The following TDRD12 variants were observed in gnomAD, a reference collection of about 807,000 sequenced individuals.
TDRD12 encodes the protein putative ATP-dependent RNA helicase TDRD12.
In TDRD12, 158 loss-of-function variants were observed where a neutral mutation model predicts 133.5. The ratio of observed to expected loss-of-function variants is 1.18; its 90% CI spans 1.04 to 1.35. The LOEUF is 1.35. Ranked by LOEUF, TDRD12 falls within the 40% of genes most tolerant of loss-of-function variation. TDRD12 has a pLI of 0.00. For missense variants in TDRD12, 1,443 were observed against 1,321.3 expected (o/e 1.09, Z -1.43); for synonymous variants, 460 against 477.9 (o/e 0.96, Z 0.49).
Position 32,790,592 on chromosome 19 carries a change from G to C in TDRD12, c.1182+1G>C, listed in dbSNP as rs761530144. On this transcript the variant is annotated splice_donor_variant, in intron 12 of 27. Transcript: ENST00000444215. LOFTEE classifies it high-confidence loss of function. Reference sequence around the variant, plus strand: ...TGACGGAATCTCTGATCTCCAGCAGGTATTACAGGCCCTAAAAAAAGTAAA... The same window carrying C: ...TGACGGAATCTCTGATCTCCAGCAGCTATTACAGGCCCTAAAAAAAGTAAA... 12 of 1,551,682 alleles carry C rather than the reference G, an allele frequency of 7.7e-6. No homozygotes were observed. Among genetic ancestry groups the C allele is most frequent in the Non-Finnish European group, 6.1e-6 (7 of 1,147,058 alleles).
At position 32,720,097 on chromosome 19, in the gene TDRD12, G is replaced by A. The variant is rs1323530487; in HGVS notation, c.24+1G>A. ...GATGCTCCAGCTCCTGGTGCTGAAG[G>A]TGAGCGCCGCCAAGCCAGACCCACG... On this transcript the variant is annotated splice_donor_variant, in intron 1 of 27. Transcript: ENST00000444215. LOFTEE classifies it high-confidence loss of function. 6.5e-7 allele frequency: 1 copy of A among 1,547,886 alleles called. No individual in the cohort carries two copies. Among genetic ancestry groups the A allele is most frequent in the Non-Finnish European group, 8.7e-7 (1 of 1,146,192 alleles).
At chr19:32,731,769 T>C (rs770958907) in exon 2 of TDRD12, 11 of 1,550,628 alleles carry the variant, frequency 7.1e-6, no homozygotes. Flanking sequence ...AAGGGTGTAG[T>C]CCCTTTTTAG....
intron 8 of TDRD12, among the ~76,000 whole-genome samples, chr19:32,765,125 G>T: frequency 6.6e-6 from 1 of 151,222 alleles, no homozygotes; most frequent in East Asian, 1.9e-4. Flanking sequence ...GCAGCCAAAA[G>T]ACACATGAAA....
exon 21 of TDRD12, chr19:32,803,108 C>T: frequency 6.5e-7 from 1 of 1,533,828 alleles, no homozygotes. Flanking sequence ...CGGAAGGCCT[C>T]TTTGTCCATA....
intron 9 of TDRD12, among the ~76,000 whole-genome samples, chr19:32,773,138 G>A (rs1012744905): frequency 6.6e-6 from 1 of 152,222 alleles, no homozygotes; most frequent in Admixed American, 6.5e-5. Flanking sequence ...GGATTCCAGG[G>A]CATTGTCCTA....
At chr19:32,750,585 C>T (rs1374291759) in intron 6 of TDRD12, among the ~76,000 whole-genome samples, 1 of 152,146 alleles carries the variant, frequency 6.6e-6, no homozygotes, top group Non-Finnish European at 1.5e-5. Context: ...TGATAAAATA[C>T]CACTGAAAAC....
intron 1 of TDRD12, among the ~76,000 whole-genome samples, chr19:32,723,376 A>G (rs1038306785): frequency 6.6e-6 from 1 of 151,404 alleles, no homozygotes; most frequent in African/African-American, 2.4e-5. Flanking sequence ...TCAGCCTCCC[A>G]AGTAGCTGGG....
intron 2 of TDRD12, among the ~76,000 whole-genome samples, chr19:32,738,286 T>A (rs1189401245): frequency 6.6e-6 from 1 of 152,186 alleles, no homozygotes; most frequent in Non-Finnish European, 1.5e-5. Flanking sequence ...TTTTACTTTC[T>A]AAAAATTGTC....
intron 10 of TDRD12, among the ~76,000 whole-genome samples, chr19:32,775,629 G>A (rs1429663845): frequency 1.3e-5 from 2 of 151,956 alleles, no homozygotes; most frequent in Non-Finnish European, 1.5e-5. Flanking sequence ...CACTGTGCCC[G>A]GCCTATATTT....
At chr19:32,822,975 C>T (rs965664913), downstream of TDRD12, among the ~76,000 whole-genome samples, 3 of 152,276 alleles carry the variant, frequency 2.0e-5, no homozygotes, top group South Asian at 6.2e-4. Flanking sequence ...TAAACTCATC[C>T]CATGACTAGA....
chr19:32,821,384 G>A (rs1395768355), downstream of TDRD12: 7 of 391,148 alleles, frequency 1.8e-5, no homozygotes, highest in African/African-American at 6.3e-5. Context: ...GTGTGTGTGT[G>A]TGTGTGTGTG....
At chr19:32,794,538 A>C (rs1490683028) in intron 13 of TDRD12, 90 bp from the exon 14 acceptor site, 1 of 638,690 alleles carries the variant, frequency 1.6e-6, no homozygotes, top group Non-Finnish European at 2.8e-6. Flanking sequence ...GGCAATGTGT[A>C]GTGCTTTTTG....
At chr19:32,811,220 T>C (rs746213597) in exon 24 of TDRD12, 11 of 1,535,862 alleles carry the variant, frequency 7.2e-6, no homozygotes, top group African/African-American at 1.4e-5. Context: ...GGTTCAGGTG[T>C]TGGAAGTGAA....
intron 13 of TDRD12, among the ~76,000 whole-genome samples, chr19:32,792,770 C>A (rs1391640244): frequency 6.6e-6 from 1 of 152,188 alleles, no homozygotes; most frequent in South Asian, 2.1e-4. Context: ...TCTGAAGCAT[C>A]TAAGTTGAGG....
chr19:32,730,744 G>A (rs1207410983), intron 1 of TDRD12, among the ~76,000 whole-genome samples: 4 of 152,016 alleles, frequency 2.6e-5, no homozygotes, highest in African/African-American at 4.8e-5. Flanking sequence ...GGCTGGGCGC[G>A]GTGGCTCACG....
chr19:32,800,178 A>G (rs769519174), exon 17 of TDRD12: 39 of 1,496,722 alleles, frequency 2.6e-5, no homozygotes, highest in Non-Finnish European at 3.2e-5. Flanking sequence ...TGTTTGCTAT[A>G]TTAGATAACT....
At chr19:32,761,332 G>A (rs1317675426) in intron 8 of TDRD12, among the ~76,000 whole-genome samples, 7 of 151,726 alleles carry the variant, frequency 4.6e-5, no homozygotes, top group Non-Finnish European at 8.8e-5. Context: ...GGGTTTCACC[G>A]TGTTAGCCAG....
exon 1 of TDRD12, chr19:32,719,908 A>T: frequency 1.3e-6 from 1 of 792,994 alleles, no homozygotes; most frequent in East Asian, 2.7e-5. Flanking sequence ...GCTCCTGGGG[A>T]CGAGGAGTGT....
chr19:32,791,798 GGCCT>G (rs1279729855), intron 13 of TDRD12, among the ~76,000 whole-genome samples: 3 of 151,960 alleles, frequency 2.0e-5, no homozygotes, highest in Admixed American at 1.3e-4. Context: ...CCATGAACAG[GGCCT>G]GCTTGCCTCC....
Sources: gnomAD v4.1 joint callset for allele counts (sites outside exome capture counted in the v4.1 genomes callset) on GRCh38, gnomAD v4.1.1 for gene constraint, MANE v1.5 for transcripts, NCBI Gene and HGNC (gene_info 2026-07-23, HGNC 2026-07-21) for gene names.